Variants in DPP8 observed in about 807,000 individuals in gnomAD.
DPP8 encodes the protein dipeptidyl peptidase 8, also known as DPP VIII.
DPP8 carries 31 observed loss-of-function variants against 107.5 expected under a neutral mutation model. That is an observed-to-expected ratio of 0.29 (90% CI 0.22 to 0.39). The LOEUF (loss-of-function observed/expected upper bound fraction) is 0.39, where lower values mean the gene tolerates loss of function less well. DPP8 is among the 10% of genes least tolerant of loss of function. The pLI is 1.00. For synonymous variants in DPP8, 381 were observed against 356.6 expected, an observed-to-expected ratio of 1.07 and a Z score of -0.77; for missense variants, 842 against 1,076.1, an observed-to-expected ratio of 0.78 and a Z score of 3.04.
intron 6 of DPP8, 90 bp from the exon 7 acceptor site, chr15:65,487,908 T>C (rs1489382010): frequency 2.3e-6 from 2 of 864,496 alleles, no homozygotes; most frequent in African/African-American, 1.7e-5. Flanking sequence ...AGATTTCTTA[T>C]AGTGAAGAAT....
chr15:65,470,871 A>T (rs1203979471), intron 12 of DPP8, among the ~76,000 whole-genome samples: 2 of 151,552 alleles, frequency 1.3e-5, no homozygotes, highest in Non-Finnish European at 2.9e-5. Flanking sequence ...GTAAGCTGAG[A>T]TCATGCCACT....
chr15:65,471,800 T>C (rs1214442144), intron 12 of DPP8, among the ~76,000 whole-genome samples: 1 of 152,122 alleles, frequency 6.6e-6, no homozygotes, highest in East Asian at 1.9e-4. Context: ...TACTCTAAAG[T>C]TTTTACTAAC....
chr15:65,447,446 C>T (rs1050676150), intron 19 of DPP8, among the ~76,000 whole-genome samples: 2 of 152,154 alleles, frequency 1.3e-5, no homozygotes, highest in Non-Finnish European at 2.9e-5. Flanking sequence ...CACAGTATTC[C>T]TCACCACCAC....
chr15:65,468,980 C>A (rs974949917), intron 12 of DPP8, among the ~76,000 whole-genome samples: 1 of 152,068 alleles, frequency 6.6e-6, no homozygotes, highest in Admixed American at 6.6e-5. Context: ...ATGTGCATTT[C>A]TTTTTGCTTT....
chr15:65,451,706 C>T (rs976340917), intron 18 of DPP8, among the ~76,000 whole-genome samples: 10 of 152,086 alleles, frequency 6.6e-5, no homozygotes, highest in African/African-American at 2.4e-4. Flanking sequence ...GGGCAGATAA[C>T]TTGAGTTCAG....
At chr15:65,484,441 T>A (rs1567221193) in intron 8 of DPP8, among the ~76,000 whole-genome samples, 1 of 151,512 alleles carries the variant, frequency 6.6e-6, no homozygotes, top group Non-Finnish European at 1.5e-5. Flanking sequence ...CTGCCTGTGG[T>A]GATGGTTGCA....
At chr15:65,447,965 AAC>A (rs1372169428) in intron 19 of DPP8, among the ~76,000 whole-genome samples, 1 of 152,238 alleles carries the variant, frequency 6.6e-6, no homozygotes, top group African/African-American at 2.4e-5. Context: ...AGACTGGCAT[AAC>A]ACAGTGAGCC....
intron 8 of DPP8, among the ~76,000 whole-genome samples, chr15:65,483,421 C>T (rs771235964): frequency 5.9e-5 from 9 of 151,910 alleles, no homozygotes; most frequent in Middle Eastern, 3.4e-3. Flanking sequence ...ACTTAGAAGG[C>T]GGAGGCAGGA....
chr15:65,471,550 C>T lies in DPP8; in HGVS notation c.1536+2659G>A, dbSNP rs979443408. Among the ~76,000 whole-genome samples, 6 of 150,754 alleles carry T rather than the reference C, an allele frequency of 4.0e-5. No individual in the cohort carries two copies. The East Asian group carries it at 5.8e-4, about 15-fold the overall frequency. ...TTTTTTTGGTAGAGATGGAGTCTCC[C>T]TATGTTACCCAGGCTGACCTCAAAC... On this transcript the variant is annotated intron_variant, in intron 12 of 19. Transcript: ENST00000300141.
At position 65,447,008 on chromosome 15, in the gene DPP8, T is replaced by C; in HGVS notation, c.2527-2A>G. ...GCTGTGTCTCTCCTGAGGATAGATC[T>C]TACCAACAACAAAAAATAAAGATAC... On this transcript the variant is annotated splice_acceptor_variant, in intron 19 of 19. Transcript: ENST00000300141. LOFTEE classifies it high-confidence loss of function. 1 of 1,552,432 alleles carries C rather than the reference T, an allele frequency of 6.4e-7. No individual in the cohort carries two copies. Among genetic ancestry groups the C allele is most frequent in the Non-Finnish European group, 8.7e-7 (1 of 1,155,578 alleles).
In DPP8 at chr15:65,444,479, C is replaced by A. The variant is rs938435366; in HGVS notation, c.*2405G>T. ...AGCTGTTACCCATACTCAGGGGGTA[C>A]AAACTTTTAGTGAGATTTCTACTGA... On this transcript the variant is annotated 3_prime_UTR_variant, in exon 20 of 20. Coordinates refer to ENST00000300141, the MANE Select transcript of DPP8 (RefSeq NM_130434.5). The A allele has an allele frequency of 6.6e-6, 1 of 152,198 alleles. No individual in the cohort carries two copies. Among genetic ancestry groups the A allele is most frequent in the African/African-American group, 2.4e-5 (1 of 41,448 alleles). The allele number at this position is 152,198 out of a possible 1,614,324, so 9.4% of individuals were successfully genotyped here.
intron 3 of DPP8, among the ~76,000 whole-genome samples, chr15:65,501,488 G>A (rs2069232542): frequency 1.3e-5 from 2 of 152,162 alleles, no homozygotes; most frequent in Admixed American, 1.3e-4. Context: ...CCTTGAGAAA[G>A]TAGCTTAATT....
intron 1 of DPP8, among the ~76,000 whole-genome samples, chr15:65,514,976 A>G (rs1199021863): frequency 6.6e-6 from 1 of 152,164 alleles, no homozygotes; most frequent in Non-Finnish European, 1.5e-5. Context: ...GCTCAACAGA[A>G]AGACCTCCTC....
intron 5 of DPP8, among the ~76,000 whole-genome samples, chr15:65,492,826 G>A (rs550597925): frequency 1.3e-5 from 2 of 152,000 alleles, no homozygotes; most frequent in African/African-American, 4.8e-5. Context: ...TCAAACCCCT[G>A]AGCTCAAGTA....
intron 15 of DPP8, among the ~76,000 whole-genome samples, chr15:65,459,765 G>A (rs2064756982): frequency 6.6e-6 from 1 of 152,024 alleles, no homozygotes; most frequent in African/African-American, 2.4e-5. Context: ...GACCATCTTG[G>A]CCAACATGGT....
intron 19 of DPP8, among the ~76,000 whole-genome samples, chr15:65,448,863 AAAATATATATATATATATATATAT>A (rs2063705819): frequency 1.2e-5 from 1 of 84,014 alleles, no homozygotes; most frequent in Admixed American, 1.8e-4. Flanking sequence ...ATATATATCT[AAAATATATATATATATATATATAT>A]ATATATATAT....
At chr15:65,511,718 C>T (rs1483663755) in intron 2 of DPP8, among the ~76,000 whole-genome samples, 3 of 54,264 alleles carry the variant, frequency 5.5e-5, no homozygotes, top group Non-Finnish European at 9.9e-5. Flanking sequence ...CACATACATA[C>T]ACACACCACA....
chr15:65,492,914 A>T (rs1419535416), intron 5 of DPP8, among the ~76,000 whole-genome samples: 2 of 152,030 alleles, frequency 1.3e-5, no homozygotes, highest in Admixed American at 6.6e-5. Flanking sequence ...TAATTTTACC[A>T]GCAAGTTTTA....
At chr15:65,474,412 G>A (rs2066197875) in intron 11 of DPP8, 124 bp from the exon 12 acceptor site, 3 of 672,854 alleles carry the variant, frequency 4.5e-6, no homozygotes, top group East Asian at 2.7e-5. Flanking sequence ...AAAATGTTTT[G>A]GAACTAGACA....
Sources: gnomAD v4.1 joint callset for allele counts (sites outside exome capture counted in the v4.1 genomes callset) on GRCh38, gnomAD v4.1.1 for gene constraint, MANE v1.5 for transcripts, NCBI Gene and HGNC (gene_info 2026-07-23, HGNC 2026-07-21) for gene names.